The following CNKSR3 variants were observed in gnomAD, a reference collection of about 807,000 sequenced individuals.
CNKSR3 encodes the protein connector enhancer of kinase suppressor of ras 3.
In CNKSR3, 36 loss-of-function variants were observed where a neutral mutation model predicts 67.7. That is an observed-to-expected ratio of 0.53 (90% CI 0.41 to 0.70). The LOEUF (loss-of-function observed/expected upper bound fraction) is 0.70. Among genes scored for constraint, CNKSR3 ranks in the 30% least tolerant of loss-of-function variants. The pLI is 0.00. For missense variants in CNKSR3, 630 were observed against 695.2 expected (o/e 0.91, Z 1.05); for synonymous variants, 281 against 271.4 (o/e 1.04, Z -0.35).
chr6:154,426,723 T>C (rs910971999), intron 7 of CNKSR3, among the ~76,000 whole-genome samples: 2 of 152,178 alleles, frequency 1.3e-5, no homozygotes, highest in South Asian at 2.1e-4. Context: ...AGTAATTCTG[T>C]AGTGCTCCAG....
At chr6:154,460,997 C>G (rs1786068021) in intron 1 of CNKSR3, among the ~76,000 whole-genome samples, 2 of 152,144 alleles carry the variant, frequency 1.3e-5, no homozygotes, top group South Asian at 4.1e-4. Flanking sequence ...TTCAGCCAAC[C>G]CTCTCCCAAC....
intron 1 of CNKSR3, among the ~76,000 whole-genome samples, chr6:154,490,464 T>C (rs141642661): frequency 2.8e-4 from 42 of 152,370 alleles, no homozygotes; most frequent in South Asian, 6.2e-4. Context: ...TATGTATCCA[T>C]GTATTGTGTG....
At chr6:154,499,826 G>T (rs1172683795) in intron 1 of CNKSR3, among the ~76,000 whole-genome samples, 1 of 151,872 alleles carries the variant, frequency 6.6e-6, no homozygotes, top group South Asian at 2.1e-4. Context: ...CTCCAGGAAG[G>T]GTTTTTCTTT....
At chr6:154,442,412 G>C in intron 2 of CNKSR3, 122 bp from the exon 3 acceptor site, 1 of 739,580 alleles carries the variant, frequency 1.4e-6, no homozygotes, top group East Asian at 2.7e-5. Context: ...CACGAGGTCA[G>C]GAGATCGAGG....
intron 1 of CNKSR3, among the ~76,000 whole-genome samples, chr6:154,495,665 G>A (rs1001017688): frequency 3.2e-4 from 48 of 151,836 alleles, no homozygotes; most frequent in African/African-American, 1.1e-3. Flanking sequence ...ATGAGCCACT[G>A]TGCCCGGCCT....
chr6:154,437,185 G>C (rs1785488993), intron 4 of CNKSR3, among the ~76,000 whole-genome samples: 1 of 152,042 alleles, frequency 6.6e-6, no homozygotes, highest in Admixed American at 6.6e-5. Context: ...CAGTTAAAAG[G>C]AATAAATGGC....
In CNKSR3 at chr6:154,402,675, A is replaced by G. The variant is rs953719244; in HGVS notation, c.*3679T>C. On this transcript the variant is annotated 3_prime_UTR_variant, in exon 13 of 13. Transcript: ENST00000607772. ...CAATGCCAGGCACACAGCAAGCACT[A>G]TATGAGTGAAGCCATTACAGACTAG... 3 of 152,246 alleles carry G rather than the reference A, an allele frequency of 2.0e-5. No individual in the cohort carries two copies. The highest frequency in any genetic ancestry group is 7.2e-5 in the African/African-American group (3 of 41,460). The allele number at this position is 152,246 out of a possible 1,614,324, so 9.4% of individuals were successfully genotyped here.
At chr6:154,459,286 C>T (rs1454704540) in intron 1 of CNKSR3, among the ~76,000 whole-genome samples, 1 of 151,922 alleles carries the variant, frequency 6.6e-6, no homozygotes, top group Non-Finnish European at 1.5e-5. Flanking sequence ...GAAGCAGGGG[C>T]CCTGTGAAAT....
At position 154,401,068 on chromosome 6, in the gene CNKSR3, T is replaced by C; in HGVS notation, c.*5286A>G. On this transcript the variant is annotated 3_prime_UTR_variant, in exon 13 of 13. Transcript: ENST00000607772. ...TTGGAAGAAACATCAGAAATCAGCT[T>C]TTGTGTGCTCCTTAAGCCAGTTTTA... is the stretch of plus-strand genomic sequence containing the variant. 6.6e-6 allele frequency: 1 copy of C among 152,150 alleles called. No homozygotes were observed. The highest frequency in any genetic ancestry group is 6.5e-5 in the Admixed American group (1 of 15,282). The allele number at this position is 152,150 out of a possible 1,614,324, so 9.4% of individuals were successfully genotyped here.
intron 7 of CNKSR3, among the ~76,000 whole-genome samples, chr6:154,424,394 C>T (rs1785212897): frequency 6.6e-6 from 1 of 152,106 alleles, no homozygotes; most frequent in African/African-American, 2.4e-5. Context: ...AAAGATAAAC[C>T]TTGGATTTCA....
chr6:154,438,741 C>T (rs772310413), intron 4 of CNKSR3, among the ~76,000 whole-genome samples: 16 of 152,146 alleles, frequency 1.1e-4, no homozygotes, highest in Non-Finnish European at 5.9e-5. Context: ...AAACTAATAC[C>T]TCTTGTGTCC....
intron 5 of CNKSR3, 80 bp downstream of exon 5, chr6:154,433,386 G>C: frequency 3.2e-6 from 3 of 932,268 alleles, no homozygotes; most frequent in Non-Finnish European, 5.1e-6. Flanking sequence ...GAAGTAATTA[G>C]CCACAGGGCA....
chr6:154,446,053 C>T (rs1439687313), intron 2 of CNKSR3, among the ~76,000 whole-genome samples: 2 of 152,138 alleles, frequency 1.3e-5, no homozygotes, highest in Admixed American at 1.3e-4. Flanking sequence ...AACTTGTCTC[C>T]TTCAGAAACT....
intron 1 of CNKSR3, among the ~76,000 whole-genome samples, chr6:154,474,249 A>G (rs1786393519): frequency 6.6e-6 from 1 of 151,580 alleles, no homozygotes; most frequent in African/African-American, 2.4e-5. Flanking sequence ...CGTCTCTACT[A>G]AAAAACATAA....
At chr6:154,463,497 A>T (rs1333521145) in intron 1 of CNKSR3, among the ~76,000 whole-genome samples, 1 of 152,196 alleles carries the variant, frequency 6.6e-6, no homozygotes, top group Non-Finnish European at 1.5e-5. Flanking sequence ...GCAGTACGGC[A>T]GGGGAAGAAT....
chr6:154,438,283 G>A (rs1785513830), intron 4 of CNKSR3, among the ~76,000 whole-genome samples: 1 of 151,316 alleles, frequency 6.6e-6, no homozygotes, highest in South Asian at 2.1e-4. Flanking sequence ...CTCTCCCCCT[G>A]CCAGAGTAAA....
intron 1 of CNKSR3, among the ~76,000 whole-genome samples, chr6:154,509,384 A>G (rs1227903253): frequency 1.3e-5 from 2 of 149,456 alleles, no homozygotes; most frequent in Non-Finnish European, 3.0e-5. Flanking sequence ...CCAAACAATT[A>G]TATTTCTCCT....
At chr6:154,440,771 T>C (rs546897488) in intron 4 of CNKSR3, among the ~76,000 whole-genome samples, 3 of 152,158 alleles carry the variant, frequency 2.0e-5, no homozygotes, top group Non-Finnish European at 2.9e-5. Context: ...TCGGAGGTGA[T>C]TGCCCTCTAG....
At chr6:154,508,629 C>A (rs1787148920) in intron 1 of CNKSR3, among the ~76,000 whole-genome samples, 1 of 152,218 alleles carries the variant, frequency 6.6e-6, no homozygotes, top group Admixed American at 6.5e-5. Flanking sequence ...GGCTTTTAAG[C>A]TCATGCTTCC....
Sources: allele counts gnomAD v4.1 joint callset (sites outside exome capture counted in the v4.1 genomes callset), GRCh38; gene constraint gnomAD v4.1.1; transcripts MANE v1.5; gene names NCBI Gene and HGNC (gene_info 2026-07-23, HGNC 2026-07-21).